RPS6KB1: variants seen among roughly 807,000 people sequenced by gnomAD.
RPS6KB1 encodes ribosomal protein S6 kinase beta-1.
RPS6KB1 carries 12 observed loss-of-function variants against 70.2 expected under a neutral mutation model. That is an observed-to-expected ratio of 0.17 (90% CI 0.11 to 0.28). The LOEUF (loss-of-function observed/expected upper bound fraction) is 0.28, where lower values mean the gene tolerates loss of function less well. RPS6KB1 is among the 10% of genes least tolerant of loss of function. The probability of loss-of-function intolerance (pLI) is 1.00; values close to 1 mark genes in which losing one functional copy is unlikely to be tolerated. For missense variants in RPS6KB1, 270 were observed against 646.6 expected, an observed-to-expected ratio of 0.42 and a Z score of 6.32; for synonymous variants, 175 against 211.2, an observed-to-expected ratio of 0.83 and a Z score of 1.49.
At chr17:59,900,842 C>T (rs1322943029) in intron 1 of RPS6KB1, among the ~76,000 whole-genome samples, 1 of 151,860 alleles carries the variant, frequency 6.6e-6, no homozygotes, top group African/African-American at 2.4e-5. Context: ...AGTTGTGCAG[C>T]CATCACCAAA....
chr17:59,916,680 A>C (rs1598729383), intron 4 of RPS6KB1, among the ~76,000 whole-genome samples: 1 of 151,658 alleles, frequency 6.6e-6, no homozygotes, highest in South Asian at 2.1e-4. Context: ...TTATGACTGG[A>C]CTCTTTCTTC....
At chr17:59,914,974 A>G (rs934796804) in intron 4 of RPS6KB1, among the ~76,000 whole-genome samples, 1 of 151,826 alleles carries the variant, frequency 6.6e-6, no homozygotes, top group African/African-American at 2.4e-5. Flanking sequence ...TACAGAAAAA[A>G]TGTATTTATT....
At chr17:59,896,917 A>T (rs76387520) in intron 1 of RPS6KB1, among the ~76,000 whole-genome samples, 24 of 140,346 alleles carry the variant, frequency 1.7e-4, no homozygotes, top group Admixed American at 5.0e-4. Flanking sequence ...ACCCTGAAAT[A>T]AAAAAAAAAA....
At chr17:59,909,666 C>T (rs976833566) in intron 1 of RPS6KB1, among the ~76,000 whole-genome samples, 1 of 151,440 alleles carries the variant, frequency 6.6e-6, no homozygotes, top group Non-Finnish European at 1.5e-5. Context: ...CACCTGAGGT[C>T]AGGAGTTCGA....
intron 2 of RPS6KB1, among the ~76,000 whole-genome samples, chr17:59,911,523 G>C (rs2042631994): frequency 7.2e-6 from 1 of 138,674 alleles, no homozygotes. Flanking sequence ...ACCACACCTG[G>C]CTAATTTTTG....
chr17:59,937,774 G>A (rs1168508483), intron 12 of RPS6KB1, among the ~76,000 whole-genome samples: 1 of 152,196 alleles, frequency 6.6e-6, no homozygotes, highest in African/African-American at 2.4e-5. Flanking sequence ...AGGAACTAGA[G>A]GTTAGAATTT....
intron 4 of RPS6KB1, among the ~76,000 whole-genome samples, chr17:59,920,056 AT>A (rs1269981590): frequency 6.7e-6 from 1 of 148,674 alleles, no homozygotes; most frequent in Non-Finnish European, 1.5e-5. Flanking sequence ...TTGTTTTCTT[AT>A]TCTTGTTTGG....
intron 4 of RPS6KB1, among the ~76,000 whole-genome samples, chr17:59,916,236 G>A (rs1052649817): frequency 6.6e-6 from 1 of 152,032 alleles, no homozygotes; most frequent in Non-Finnish European, 1.5e-5. Flanking sequence ...GAGTGTCTGG[G>A]ATTACAGGCG....
Position 59,934,577 on chromosome 17 carries a change from T to C in RPS6KB1, c.870+53T>C. 2 of 1,349,660 alleles carry C rather than the reference T, an allele frequency of 1.5e-6. No individual in the cohort carries two copies. The highest frequency in any genetic ancestry group is 2.1e-6 in the Non-Finnish European group (2 of 943,374). The allele number at this position is 1,349,660 out of a possible 1,614,324, so 83.6% of individuals were successfully genotyped here. On this transcript the variant is annotated intron_variant, in intron 9 of 14. Transcript: ENST00000225577. This position sits in a 1 kb window ranked among gnomAD's most constrained non-coding sequence, Gnocchi z 4.8. ...ATTATTGGTCTGTGCTGAGTCACTA[T>C]AGCAAGAGACCTGTCCTGTGCTTTC...
chr17:59,894,197 T>A (rs1256784631), intron 1 of RPS6KB1, among the ~76,000 whole-genome samples: 10 of 152,156 alleles, frequency 6.6e-5, no homozygotes, highest in Non-Finnish European at 1.0e-4. Flanking sequence ...AAATTTAGAA[T>A]TGTATTTCCT....
intron 3 of RPS6KB1, among the ~76,000 whole-genome samples, chr17:59,914,042 T>C (rs2042801876): frequency 6.6e-6 from 1 of 152,146 alleles, no homozygotes; most frequent in South Asian, 2.1e-4. Context: ...TTTATTGTTT[T>C]TTCCCCCAAA....
In RPS6KB1 at chr17:59,926,918, A is replaced by C. The variant is rs576042815; in HGVS notation, c.529+336A>C. On this transcript the variant is annotated intron_variant, in intron 5 of 14. Transcript: ENST00000225577. ...TTTAAATAATTGGGAAGATTATTTA[A>C]CATACTGACTATTTTTGGAATTGGG... Among the ~76,000 whole-genome samples the C allele has an allele frequency of 2.0e-4, 30 of 152,312 alleles. No homozygotes were observed. The South Asian group carries it at 6.0e-3, about 30-fold the overall frequency.
intron 14 of RPS6KB1, among the ~76,000 whole-genome samples, chr17:59,945,797 C>T (rs1568516677): frequency 6.6e-6 from 1 of 152,196 alleles, no homozygotes; most frequent in Non-Finnish European, 1.5e-5. Flanking sequence ...ACCAGCACTA[C>T]ATACTGCATG....
intron 4 of RPS6KB1, among the ~76,000 whole-genome samples, chr17:59,916,154 G>T (rs2042950516): frequency 6.6e-6 from 1 of 151,572 alleles, no homozygotes; most frequent in African/African-American, 2.4e-5. Context: ...AGGCTGGAGT[G>T]CAGTGGCGTG....
At chr17:59,942,674 T>C (rs1170935478) in intron 13 of RPS6KB1, among the ~76,000 whole-genome samples, 1 of 152,182 alleles carries the variant, frequency 6.6e-6, no homozygotes, top group African/African-American at 2.4e-5. Context: ...GCTCACTATG[T>C]AATACAAGTA....
At position 59,934,926 on chromosome 17, in the gene RPS6KB1, C is replaced by G. The variant is rs538697648; in HGVS notation, c.871-267C>G. 1 of 388,306 alleles carries G rather than the reference C, an allele frequency of 2.6e-6. No individual in the cohort carries two copies. Among genetic ancestry groups the G allele is most frequent in the African/African-American group, 2.1e-5 (1 of 48,684 alleles). 24.1% of individuals were successfully genotyped at this position (388,306 alleles called of 1,614,324 possible). A position where few individuals can be genotyped will look rare whatever the true frequency, so the allele number is the denominator to read the frequency against. On this transcript the variant is annotated intron_variant, in intron 9 of 14. Transcript: ENST00000225577. The surrounding 1 kb of genome is among the most constrained non-coding windows in gnomAD (Gnocchi z 4.8). ...CGTCTGCCGGCCACAGTGGTGCATG[C>G]CTGTAGCCTAAGCTACTCAGGAGGC...
chr17:59,930,010 C>CT (rs2043846237), intron 5 of RPS6KB1, 107 bp from the exon 6 acceptor site: 1 of 680,884 alleles, frequency 1.5e-6, no homozygotes, highest in African/African-American at 1.9e-5. Context: ...TTTTAAGGGG[C>CT]TGATGTCTTT....
chr17:59,936,721 C>T (rs1395001210), intron 12 of RPS6KB1, among the ~76,000 whole-genome samples, 180 bp downstream of exon 12: 1 of 152,216 alleles, frequency 6.6e-6, no homozygotes, highest in Non-Finnish European at 1.5e-5. Context: ...CGGCTTGTGC[C>T]TGTAAGTCCC....
chr17:59,913,406 TGTGTA>T (rs1164504727), intron 3 of RPS6KB1, among the ~76,000 whole-genome samples: 1 of 152,250 alleles, frequency 6.6e-6, no homozygotes, highest in Non-Finnish European at 1.5e-5. Context: ...TTTTTGCTAT[TGTGTA>T]GTGTTAATTT....
Sources: gnomAD v4.1 joint callset for allele counts (sites outside exome capture counted in the v4.1 genomes callset) on GRCh38, gnomAD v4.1.1 for gene constraint, Gnocchi (gnomAD v3.1) non-coding constraint, MANE v1.5 for transcripts, NCBI Gene and HGNC (gene_info 2026-07-23, HGNC 2026-07-21) for gene names.